Variants in RPL22 observed in about 807,000 individuals in gnomAD.
The protein encoded by RPL22 is ribosomal protein L22.
RPL22 carries 4 observed loss-of-function variants against 16.2 expected under a neutral mutation model. The ratio of observed to expected loss-of-function variants is 0.25; its 90% CI spans 0.12 to 0.57. The LOEUF is 0.57. Ranked by LOEUF, RPL22 falls within the 20% of genes least tolerant of loss-of-function variation. The pLI, the probability that RPL22 is intolerant of heterozygous loss-of-function variation, is 0.92. For missense variants in RPL22, 83 were observed against 156.1 expected, an observed-to-expected ratio of 0.53 and a Z score of 2.49; for synonymous variants, 43 against 54.8, an observed-to-expected ratio of 0.78 and a Z score of 0.95.
intron 3 of RPL22, among the ~76,000 whole-genome samples, chr1:6,192,679 A>C (rs1311110304): frequency 6.6e-6 from 1 of 152,220 alleles, no homozygotes; most frequent in Non-Finnish European, 1.5e-5. Context: ...AGCCTGGGCG[A>C]TGGAGTGAGA....
chr1:6,185,763 G>C lies in RPL22; in HGVS notation c.*909C>G. 1 of 238,178 alleles carries C rather than the reference G, an allele frequency of 4.2e-6. No homozygotes were observed. The allele number at this position is 238,178 out of a possible 1,614,324, so 14.8% of individuals were successfully genotyped here. Reference sequence around the variant, plus strand: ...CTTTCAGTTGTCTAGCCTCTGCACTGTGGCACACCACTGACATTAAATCCA... The same window carrying C: ...CTTTCAGTTGTCTAGCCTCTGCACTCTGGCACACCACTGACATTAAATCCA... On this transcript the variant is annotated 3_prime_UTR_variant, in exon 4 of 4. Coordinates refer to ENST00000234875, the MANE Select transcript of RPL22 (RefSeq NM_000983.4).
chr1:6,194,116 G>T (rs1667686936), intron 2 of RPL22, among the ~76,000 whole-genome samples: 1 of 152,192 alleles, frequency 6.6e-6, no homozygotes, highest in South Asian at 2.1e-4. Context: ...TGAGACAGGA[G>T]AATCCCTTGA....
chr1:6,189,598 G>GA (rs1667623929), intron 3 of RPL22, among the ~76,000 whole-genome samples: 1 of 141,880 alleles, frequency 7.0e-6, no homozygotes. Flanking sequence ...GTACACTGGG[G>GA]AAAAAAATCA....
At chr1:6,197,052 C>T (rs930029837) in intron 2 of RPL22, among the ~76,000 whole-genome samples, 6 of 149,836 alleles carry the variant, frequency 4.0e-5, no homozygotes, top group East Asian at 1.9e-4. Flanking sequence ...GTTTTTGAGA[C>T]GGAGTCTCGC....
At chr1:6,189,254 A>ACCAACAAAGCAATCTCCAC (rs1557572687) in intron 3 of RPL22, among the ~76,000 whole-genome samples, 2 of 152,230 alleles carry the variant, frequency 1.3e-5, no homozygotes, top group African/African-American at 4.8e-5. Flanking sequence ...CAATCGCCAC[A>ACCAACAAAGCAATCTCCAC]AAGTGTGAAG....
At position 6,186,807 on chromosome 1, in the gene RPL22, T is replaced by C. The variant is rs949257304; in HGVS notation, c.252A>G (p.Lys84=). 3.1e-6 allele frequency: 5 copies of C among 1,613,232 alleles called. No homozygotes were observed. In the African/African-American group the frequency reaches 5.3e-5, roughly 17 times the overall value. The change falls in exon 4 of 4, where the codon AAA becomes AAG. Residue 84 remains lysine (K), a synonymous_variant. Transcript: ENST00000234875. ...TCTTCAAATATTTTTTGGTGAGATA[T>C]TTCAAATACCTGCAGAGAAAGGACA... is the stretch of plus-strand genomic sequence containing the variant. ...SEVPFSKRYL[K]YLTKKYLKKN...
intron 3 of RPL22, among the ~76,000 whole-genome samples, chr1:6,192,708 T>C (rs1034162475): frequency 6.6e-6 from 1 of 152,032 alleles, no homozygotes; most frequent in Non-Finnish European, 1.5e-5. Flanking sequence ...CAAAAAAAAA[T>C]AAAACACTTT....
At chr1:6,197,452 C>G (rs1667734425) in intron 2 of RPL22, among the ~76,000 whole-genome samples, 200 bp downstream of exon 2, 1 of 152,194 alleles carries the variant, frequency 6.6e-6, no homozygotes, top group African/African-American at 2.4e-5. Context: ...CCTTTTACTC[C>G]TCACAACTGT....
intron 1 of RPL22, chr1:6,198,871 G>A (rs1667754968): frequency 1.3e-5 from 2 of 152,266 alleles, no homozygotes; most frequent in South Asian, 4.1e-4. Context: ...AACCGGAAAT[G>A]TTAACCAGGG....
intron 3 of RPL22, among the ~76,000 whole-genome samples, chr1:6,188,439 C>T (rs2100901577): frequency 6.6e-6 from 1 of 152,036 alleles, no homozygotes; most frequent in East Asian, 1.9e-4. Flanking sequence ...CCTGTAATCC[C>T]AACACTTTGT....
chr1:6,199,325 C>T (rs757048557), intron 1 of RPL22: 2 of 1,208,230 alleles, frequency 1.7e-6, no homozygotes, highest in Non-Finnish European at 2.1e-6. Flanking sequence ...TAGCCCCTAG[C>T]TGGGGCCCCG....
rs11540941 is a variant in RPL22, at chr1:6,185,083, G to A, written c.*1589C>T. 1.1e-5 allele frequency: 4 copies of A among 373,584 alleles called. No individual in the cohort carries two copies. The highest frequency in any genetic ancestry group is 1.9e-5 in the Non-Finnish European group (4 of 211,276). 23.1% of individuals were successfully genotyped at this position (373,584 alleles called of 1,614,324 possible). A position where few individuals can be genotyped will look rare whatever the true frequency, so the allele number is the denominator to read the frequency against. ...AAATATGATCAAAACTCGATTACAA[G>A]AGTTCAAAAAGACATAGAAAACCAG... On this transcript the variant is annotated 3_prime_UTR_variant, in exon 4 of 4. Coordinates refer to ENST00000234875, the MANE Select transcript of RPL22 (RefSeq NM_000983.4).
At chr1:6,198,244 C>T (rs568653475) in intron 1 of RPL22, 2 of 163,478 alleles carry the variant, frequency 1.2e-5, no homozygotes, top group South Asian at 3.2e-4. Flanking sequence ...CGTCTTAGCT[C>T]ATCTCCCTTA....
intron 2 of RPL22, among the ~76,000 whole-genome samples, chr1:6,196,433 G>C (rs1448178767): frequency 6.6e-6 from 1 of 152,094 alleles, no homozygotes; most frequent in African/African-American, 2.4e-5. Context: ...TCTACATAAA[G>C]GCAATAAACT....
At chr1:6,189,629 C>A (rs1367275402) in intron 3 of RPL22, among the ~76,000 whole-genome samples, 2 of 128,500 alleles carry the variant, frequency 1.6e-5, no homozygotes, top group African/African-American at 7.2e-5. Context: ...AAAAAAAAAA[C>A]CCTGTACAGG....
intron 2 of RPL22, among the ~76,000 whole-genome samples, chr1:6,197,309 C>T (rs974306307): frequency 1.3e-5 from 2 of 152,150 alleles, no homozygotes; most frequent in Admixed American, 6.5e-5. Flanking sequence ...GGATTACGGG[C>T]GTGAGCCACC....
At chr1:6,193,614 C>T (rs1049440235) in intron 2 of RPL22, among the ~76,000 whole-genome samples, 3 of 151,718 alleles carry the variant, frequency 2.0e-5, no homozygotes, top group East Asian at 3.9e-4. Context: ...TGAGCCACTG[C>T]GCCTGGCTTA....
At chr1:6,199,334 C>CGGGCCTCCGAGACCTCCCGGAT in intron 1 of RPL22, 1 of 1,253,048 alleles carries the variant, frequency 8.0e-7, no homozygotes, top group Middle Eastern at 3.1e-4. Context: ...GCTGGGGCCC[C>CGGGCCTCCGAGACCTCCCGGAT]GGGCCTCCGA....
chr1:6,194,164 C>T (rs1206576476), intron 2 of RPL22, among the ~76,000 whole-genome samples: 1 of 152,182 alleles, frequency 6.6e-6, no homozygotes, highest in Non-Finnish European at 1.5e-5. Flanking sequence ...CGAGATCACA[C>T]CACTGCACTC....
Sources: allele counts gnomAD v4.1 joint callset (sites outside exome capture counted in the v4.1 genomes callset), GRCh38; gene constraint gnomAD v4.1.1; transcripts MANE v1.5; gene names NCBI Gene and HGNC (gene_info 2026-07-23, HGNC 2026-07-21).